SLC36A1: variants seen among roughly 807,000 people sequenced by gnomAD.
SLC36A1 encodes the protein solute carrier family 36 member 1.
A neutral mutation model predicts 47.5 loss-of-function variants in SLC36A1; 30 were observed. The ratio of observed to expected loss-of-function variants is 0.63; its 90% CI spans 0.47 to 0.86. The LOEUF is 0.86. Ranked by LOEUF, SLC36A1 falls within the 40% of genes least tolerant of loss-of-function variation. The probability of loss-of-function intolerance (pLI) is 0.00; values close to 1 mark genes in which losing one functional copy is unlikely to be tolerated. For synonymous variants in SLC36A1, 255 were observed against 249.7 expected (o/e 1.02, Z -0.20); for missense variants, 517 against 606.0 (o/e 0.85, Z 1.54).
At chr5:151,430,408 C>G in the SLC36A1 span, among the ~76,000 whole-genome samples, 1 of 150,068 alleles carries the variant, frequency 6.7e-6, no homozygotes, top group Non-Finnish European at 1.5e-5. Flanking sequence ...ACTGCAACCT[C>G]CGCCTCCTGG....
intron 10 of SLC36A1, 51 bp from the exon 11 acceptor site, chr5:151,487,932 A>T: frequency 6.2e-7 from 1 of 1,602,290 alleles, no homozygotes; most frequent in Admixed American, 1.7e-5. Context: ...AGGGAGACAG[A>T]CCTTTCCCAG....
At chr5:151,399,084 A>ATATATATATATTTT in the SLC36A1 span, among the ~76,000 whole-genome samples, 6 of 60,030 alleles carry the variant, frequency 1.0e-4, no homozygotes, top group South Asian at 4.9e-4. Flanking sequence ...ATATATATAT[A>ATATATATATATTTT]TTTTTTTTTT....
chr5:151,403,562 C>T, the SLC36A1 span, among the ~76,000 whole-genome samples: 1 of 152,154 alleles, frequency 6.6e-6, no homozygotes, highest in South Asian at 2.1e-4. Context: ...TCCCTGAGGC[C>T]TCCCCAGAAG....
At chr5:151,375,576 G>GT in the SLC36A1 span, among the ~76,000 whole-genome samples, 135 of 150,822 alleles carry the variant, frequency 9.0e-4, no homozygotes, top group African/African-American at 2.8e-3. Flanking sequence ...AAATTTTAAG[G>GT]TTTTTTTTTC....
chr5:151,449,218 C>G (rs1753246151), intron 1 of SLC36A1, among the ~76,000 whole-genome samples: 1 of 152,186 alleles, frequency 6.6e-6, no homozygotes, highest in African/African-American at 2.4e-5. Flanking sequence ...TGTATTATGT[C>G]TAAGCTAAAT....
At chr5:151,486,002 T>C (rs1476544531) in intron 10 of SLC36A1, among the ~76,000 whole-genome samples, 5 of 152,236 alleles carry the variant, frequency 3.3e-5, no homozygotes, top group Non-Finnish European at 7.3e-5. Flanking sequence ...GAATCCATTC[T>C]TTCCCTGGTG....
the SLC36A1 span, among the ~76,000 whole-genome samples, chr5:151,546,520 A>C: frequency 2.6e-5 from 4 of 152,206 alleles, no homozygotes; most frequent in South Asian, 4.1e-4. Context: ...CATGGTGTGC[A>C]TAGTAGGTGC....
the SLC36A1 span, chr5:151,509,890 G>T: frequency 9.3e-7 from 1 of 1,073,776 alleles, no homozygotes; most frequent in Non-Finnish European, 1.4e-6. Context: ...TGCCCTAACA[G>T]ATGGAAAAGG....
intron 2 of SLC36A1, among the ~76,000 whole-genome samples, chr5:151,461,643 T>A (rs1000908814): frequency 6.6e-6 from 1 of 152,230 alleles, no homozygotes; most frequent in African/African-American, 2.4e-5. Context: ...TTTGCACTTA[T>A]AATGTAGAAG....
intron 10 of SLC36A1, among the ~76,000 whole-genome samples, chr5:151,487,742 C>T (rs1759758553): frequency 6.6e-6 from 1 of 152,190 alleles, no homozygotes; most frequent in South Asian, 2.1e-4. Context: ...AAGCTGAAAG[C>T]CTGGGGACCG....
In SLC36A1 at chr5:151,469,645, T is replaced by C. The variant is rs1429921088; in HGVS notation, c.723+1720T>C. Among the ~76,000 whole-genome samples, 6 of 152,266 alleles carry C rather than the reference T, an allele frequency of 3.9e-5. No individual in the cohort carries two copies. In the East Asian group the frequency reaches 7.7e-4, roughly 20 times the overall value. ...AGTGTGCACTTTTGAATTTTTGTTA[T>C]GTTACCAAGTTGTTTTTTCCAAAAG... is the stretch of plus-strand genomic sequence containing the variant. On this transcript the variant is annotated intron_variant, in intron 7 of 10. Transcript: ENST00000243389.
chr5:151,415,716 T>A, the SLC36A1 span, among the ~76,000 whole-genome samples: 1 of 152,228 alleles, frequency 6.6e-6, no homozygotes. Flanking sequence ...CAGCCTATAG[T>A]GGCTACTCGA....
downstream of SLC36A1, among the ~76,000 whole-genome samples, chr5:151,495,242 T>C (rs9324696): frequency 0.038 from 5,805 of 152,316 alleles, 350 homozygotes; most frequent in African/African-American, 0.13. Flanking sequence ...TAGTGATGTT[T>C]TGCACCTCTT....
chr5:151,543,830 A>C, the SLC36A1 span: 6 of 1,614,040 alleles, frequency 3.7e-6, no homozygotes, highest in Non-Finnish European at 5.1e-6. Flanking sequence ...ATTATTCCCG[A>C]TGAGCTGTTA....
intron 8 of SLC36A1, among the ~76,000 whole-genome samples, chr5:151,474,841 A>G (rs1168973071): frequency 1.3e-5 from 2 of 152,216 alleles, no homozygotes; most frequent in African/African-American, 4.8e-5. Context: ...GGCGCCACAA[A>G]TGGGAAGAGC....
the SLC36A1 span, among the ~76,000 whole-genome samples, chr5:151,393,033 G>T: frequency 5.6e-4 from 85 of 152,000 alleles, 1 homozygote; most frequent in African/African-American, 1.8e-3. Context: ...TTGTGTGGGA[G>T]TCTAAGTCTC....
At chr5:151,391,488 A>G in the SLC36A1 span, among the ~76,000 whole-genome samples, 2 of 152,204 alleles carry the variant, frequency 1.3e-5, no homozygotes, top group African/African-American at 4.8e-5. Flanking sequence ...CCAGTTTTCA[A>G]AGGGAATGCT....
At chr5:151,554,504 G>A in the SLC36A1 span, 2 of 1,614,108 alleles carry the variant, frequency 1.2e-6, no homozygotes, top group South Asian at 1.1e-5. Context: ...CAGGTCTGAA[G>A]CCACCAGCCT....
the SLC36A1 span, chr5:151,531,749 C>A: frequency 6.2e-7 from 1 of 1,613,494 alleles, no homozygotes; most frequent in Non-Finnish European, 8.5e-7. The surrounding 1 kb of genome is among the most constrained non-coding windows in gnomAD (Gnocchi z 5.7). Flanking sequence ...TTCAGGAACA[C>A]GGGCAGGTAG....
Sources: allele counts gnomAD v4.1 joint callset (sites outside exome capture counted in the v4.1 genomes callset), GRCh38; gene constraint gnomAD v4.1.1; non-coding constraint Gnocchi (gnomAD v3.1); transcripts MANE v1.5; gene names NCBI Gene and HGNC (gene_info 2026-07-23, HGNC 2026-07-21).